The following NHSL2 variants were observed in gnomAD, a reference collection of about 807,000 sequenced individuals.
NHSL2 encodes the protein NHS like 2, also known as NHS-like protein 2.
A neutral mutation model predicts 53.4 loss-of-function variants in NHSL2; 27 were observed. That is an observed-to-expected ratio of 0.51 (90% confidence interval 0.37 to 0.70). The LOEUF is 0.70. NHSL2 is among the 30% of genes least tolerant of loss of function. The probability of loss-of-function intolerance (pLI) is 0.00; values close to 1 mark genes in which losing one functional copy is unlikely to be tolerated. For synonymous variants in NHSL2, 408 were observed against 404.1 expected (o/e 1.01, Z -0.12); for missense variants, 892 against 980.1 (o/e 0.91, Z 1.20).
chrX:72,024,132 A>T (rs2042173597), intron 1 of NHSL2, among the ~76,000 whole-genome samples: 1 of 111,615 alleles, frequency 9.0e-6, no homozygotes, highest in South Asian at 3.7e-4. Flanking sequence ...ATGCTCCCTA[A>T]ACCCCTCCCT....
chrX:72,116,699 A>G (rs2042141733), intron 1 of NHSL2, among the ~76,000 whole-genome samples: 1 of 111,312 alleles, frequency 9.0e-6, no homozygotes, highest in African/African-American at 3.3e-5. Context: ...CCTCAAGGTT[A>G]GAAGGGAGGA....
chrX:72,009,155 A>G (rs1465329578), intron 1 of NHSL2, among the ~76,000 whole-genome samples: 1 of 112,146 alleles, frequency 8.9e-6, no homozygotes, highest in African/African-American at 3.2e-5. Flanking sequence ...TTTCCCCAGT[A>G]TATCAGGAAG....
rs1419378773 is a variant in NHSL2 at position 72,144,101 on chromosome X, G to A, written c.*527G>A. On this transcript the variant is annotated 3_prime_UTR_variant, in exon 8 of 8. Coordinates refer to ENST00000633930, the MANE Select transcript of NHSL2 (RefSeq NM_001013627.3). ...TAGCTTTCCCCTGCGCTCACAAGAGGTTTGCAGGGTGCACTTATTTCGGCA... is the reference window on the plus strand; with the variant it reads ...TAGCTTTCCCCTGCGCTCACAAGAGATTTGCAGGGTGCACTTATTTCGGCA... The A allele has an allele frequency of 7.9e-6, 1 of 127,118 alleles. No individual in the cohort carries two copies. Among genetic ancestry groups the A allele is most frequent in the African/African-American group, 3.2e-5 (1 of 31,188 alleles). The allele number at this position is 127,118 out of a possible 1,213,427, so 10.5% of individuals were successfully genotyped here.
intron 1 of NHSL2, among the ~76,000 whole-genome samples, chrX:71,952,169 G>A (rs1271499412): frequency 3.6e-5 from 4 of 112,456 alleles, no homozygotes; most frequent in Middle Eastern, 4.6e-3. Flanking sequence ...ATGGGTTGAA[G>A]TATAGAAAAT....
At chrX:72,050,845 C>T (rs2042336245) in intron 1 of NHSL2, among the ~76,000 whole-genome samples, 1 of 108,918 alleles carries the variant, frequency 9.2e-6, no homozygotes, top group Admixed American at 9.8e-5. Context: ...GCTGAGGTTG[C>T]GTCACTGTAC....
intron 1 of NHSL2, among the ~76,000 whole-genome samples, chrX:72,094,468 T>C: frequency 9.0e-6 from 1 of 110,503 alleles, no homozygotes; most frequent in Non-Finnish European, 1.9e-5. Context: ...TAAAGGGAAA[T>C]GAATTTGTTC....
rs957272784 is a variant in NHSL2, at chrX:72,134,045, G to T, written c.437-46G>T. On this transcript the variant is annotated intron_variant, in intron 2 of 7. Coordinates refer to ENST00000633930, the MANE Select transcript of NHSL2 (RefSeq NM_001013627.3). The stretch of plus-strand genomic sequence containing the variant: ...ATGGCCCTTCCCCGGCCCAGCGCTC[G>T]GCCATGGCACCCTAGAGTGTGTGTC... The T allele has an allele frequency of 1.7e-5, 20 of 1,152,104 alleles. No individual in the cohort carries two copies. In the Admixed American group the frequency reaches 1.8e-4, roughly 11 times the overall value. 94.9% of individuals were successfully genotyped at this position (1,152,104 alleles called of 1,213,427 possible).
intron 1 of NHSL2, among the ~76,000 whole-genome samples, chrX:72,010,357 T>C (rs1305796135): frequency 1.8e-5 from 2 of 112,343 alleles, no homozygotes; most frequent in East Asian, 2.8e-4. Flanking sequence ...AAAACAGATA[T>C]GCATTTCTAG....
intron 1 of NHSL2, among the ~76,000 whole-genome samples, chrX:72,052,544 T>C (rs1407271961): frequency 8.9e-6 from 1 of 112,346 alleles, no homozygotes; most frequent in Non-Finnish European, 1.9e-5. Context: ...CTGAAAGAGA[T>C]GGGCTTGGGG....
chrX:72,093,939 G>A lies in NHSL2; in HGVS notation c.281-38140G>A, dbSNP rs758515638. Among the ~76,000 whole-genome samples, 12 of 109,979 alleles carry A rather than the reference G, an allele frequency of 1.1e-4. No individual in the cohort carries two copies. The East Asian group carries it at 3.4e-3, about 31-fold the overall frequency. ...TGGGATTACAGGTGTGCTCCACCAC[G>A]CTTGGCTAATTTTTGTATTTTTAGT... On this transcript the variant is annotated intron_variant, in intron 1 of 7. Transcript: ENST00000633930.
chrX:72,095,358 G>A (rs933009756), intron 1 of NHSL2, among the ~76,000 whole-genome samples: 8 of 112,457 alleles, frequency 7.1e-5, no homozygotes, highest in African/African-American at 2.3e-4. Context: ...AGGTGTCTGG[G>A]TCAGAATTTG....
chrX:72,026,446 G>A (rs2042186120), intron 1 of NHSL2, among the ~76,000 whole-genome samples: 1 of 112,518 alleles, frequency 8.9e-6, no homozygotes, highest in African/African-American at 3.2e-5. Context: ...CTGCTCTGCA[G>A]ACAGGATGAA....
intron 1 of NHSL2, among the ~76,000 whole-genome samples, chrX:72,049,281 G>C (rs943609284): frequency 2.7e-5 from 3 of 111,763 alleles, no homozygotes; most frequent in African/African-American, 9.8e-5. Context: ...AAAGAACCTG[G>C]TGGCCCAGAA....
intron 1 of NHSL2, among the ~76,000 whole-genome samples, chrX:72,022,522 G>A (rs971759156): frequency 3.6e-5 from 4 of 110,663 alleles, no homozygotes; most frequent in East Asian, 2.9e-4. Flanking sequence ...CCTTCTCCTT[G>A]TGTCCTCACT....
rs2041737125 is a variant in NHSL2 at position 71,936,123 on chromosome X, G to T, written c.280+24756G>T. 2.7e-5 allele frequency among the ~76,000 whole-genome samples: 3 copies of T among 112,018 alleles called. No homozygotes were observed. The South Asian group carries it at 1.1e-3, about 42-fold the overall frequency. The stretch of plus-strand genomic sequence containing the variant: ...AGATGGAGCTGCAGAGAGAGGGAGT[G>T]ATTTGCCCGAGGCCACACAGCTACC... On this transcript the variant is annotated intron_variant, in intron 1 of 7. Transcript: ENST00000633930.
chrX:71,964,011 G>A (rs1347136017), intron 1 of NHSL2, among the ~76,000 whole-genome samples: 4 of 12,165 alleles, frequency 3.3e-4, no homozygotes, highest in East Asian at 4.4e-3. Flanking sequence ...ATATATATAT[G>A]TATATATATA....
At chrX:72,030,179 A>G (rs889299823) in intron 1 of NHSL2, among the ~76,000 whole-genome samples, 7 of 112,408 alleles carry the variant, frequency 6.2e-5, no homozygotes, top group Non-Finnish European at 1.1e-4. Context: ...AACAGAGGTG[A>G]GAGATGACAG....
intron 3 of NHSL2, 140 bp from the exon 4 acceptor site, chrX:72,134,369 G>A (rs1439730952): frequency 5.9e-6 from 5 of 850,086 alleles, no homozygotes; most frequent in Non-Finnish European, 8.3e-6. Flanking sequence ...TGCACAGCAG[G>A]TGCCTGGCCT....
chrX:71,985,072 C>A (rs755957669), intron 1 of NHSL2, among the ~76,000 whole-genome samples: 6 of 111,191 alleles, frequency 5.4e-5, no homozygotes, highest in Non-Finnish European at 1.1e-4. Context: ...GTCCGCCCAC[C>A]TTGGCCTCCC....
Sources: allele counts gnomAD v4.1 joint callset (sites outside exome capture counted in the v4.1 genomes callset), GRCh38; gene constraint gnomAD v4.1.1; transcripts MANE v1.5; gene names NCBI Gene and HGNC (gene_info 2026-07-23, HGNC 2026-07-21).